Variants in DISC1 observed in about 807,000 individuals in gnomAD.
DISC1 encodes DISC1 scaffold protein, also known as disrupted in schizophrenia 1 protein.
Under a neutral mutation model 84.5 loss-of-function variants are expected in DISC1, and 57 were observed. The ratio of observed to expected loss-of-function variants is 0.67; its 90% CI spans 0.55 to 0.84. The LOEUF is 0.84. Ranked by LOEUF, DISC1 falls within the 40% of genes least tolerant of loss-of-function variation. The pLI is 0.00. For missense variants in DISC1, 1,000 were observed against 1,057.8 expected, an observed-to-expected ratio of 0.95 and a Z score of 0.76; for synonymous variants, 411 against 415.2, an observed-to-expected ratio of 0.99 and a Z score of 0.12.
At chr1:231,738,398 TTC>T (rs2072803833) in intron 3 of DISC1, among the ~76,000 whole-genome samples, 1 of 152,196 alleles carries the variant, frequency 6.6e-6, no homozygotes, top group East Asian at 1.9e-4. Context: ...TACTCAATCG[TTC>T]TCTGTCTTCC....
In DISC1 at chr1:232,035,614, C is replaced by T. The variant is rs1409877314; in HGVS notation, c.2426-1078C>T. The stretch of plus-strand genomic sequence containing the variant: ...GCTCCCCATTCCCTCCATGTCTGAT[C>T]TAGTACTGTTGTAGTGGTCTGGCTT... On this transcript the variant is annotated intron_variant, in intron 12 of 12. Coordinates refer to ENST00000439617, the MANE Select transcript of DISC1 (RefSeq NM_018662.3). Among the ~76,000 whole-genome samples the T allele has an allele frequency of 2.0e-5, 3 of 152,194 alleles. No homozygotes were observed. The East Asian group carries it at 5.8e-4, about 29-fold the overall frequency.
chr1:231,670,763 C>G (rs569165072), intron 1 of DISC1: 1 of 152,244 alleles, frequency 6.6e-6, no homozygotes, highest in East Asian at 1.9e-4. Context: ...CCAGCACTCC[C>G]CAGTAGTCCT....
At chr1:232,004,681 G>A (rs1047085803) in intron 10 of DISC1, among the ~76,000 whole-genome samples, 2 of 152,068 alleles carry the variant, frequency 1.3e-5, no homozygotes, top group African/African-American at 4.8e-5. Flanking sequence ...AACTTCAAAC[G>A]AGATCCCACC....
intron 9 of DISC1, among the ~76,000 whole-genome samples, chr1:231,918,541 G>A (rs1308095865): frequency 6.6e-6 from 1 of 152,220 alleles, no homozygotes; most frequent in Non-Finnish European, 1.5e-5. Flanking sequence ...CAACATGTCT[G>A]TGTTAGATGT....
At chr1:231,815,430 C>G (rs1007102319) in intron 8 of DISC1, among the ~76,000 whole-genome samples, 8 of 152,104 alleles carry the variant, frequency 5.3e-5, no homozygotes, top group African/African-American at 1.9e-4. Context: ...TACTCTTTTG[C>G]ATCTTTTCTA....
At chr1:231,836,792 T>G (rs1396814610) in intron 9 of DISC1, among the ~76,000 whole-genome samples, 3 of 152,180 alleles carry the variant, frequency 2.0e-5, no homozygotes, top group Non-Finnish European at 4.4e-5. Context: ...GTCCGCGTGC[T>G]CTGGATAAAG....
At chr1:231,662,156 G>A (rs2061613274) in intron 1 of DISC1, among the ~76,000 whole-genome samples, 1 of 152,178 alleles carries the variant, frequency 6.6e-6, no homozygotes, top group Non-Finnish European at 1.5e-5. Flanking sequence ...CTGACCTGTT[G>A]CTGGCCAGAA....
Position 231,948,011 on chromosome 1 carries a change from G to C in DISC1, c.1982-10817G>C, listed in dbSNP as rs1657568653. ...AGGGATGCTTTTACACTGTTGGTGG[G>C]AGTGTAAATTAATTCAACCATTGTG... On this transcript the variant is annotated intron_variant, in intron 9 of 12. Transcript: ENST00000439617. Among the ~76,000 whole-genome samples, 5 of 152,334 alleles carry C rather than the reference G, an allele frequency of 3.3e-5. No homozygotes were observed. In the South Asian group the frequency reaches 1.0e-3, roughly 32 times the overall value.
chr1:231,918,181 T>G (rs2126072380), intron 9 of DISC1, among the ~76,000 whole-genome samples: 1 of 152,340 alleles, frequency 6.6e-6, no homozygotes. Context: ...CCCTTTTCTC[T>G]CCTGTCCCTT....
chr1:231,746,133 G>A (rs947637176), intron 3 of DISC1, among the ~76,000 whole-genome samples: 1 of 152,122 alleles, frequency 6.6e-6, no homozygotes, highest in African/African-American at 2.4e-5. Flanking sequence ...CCAGCCTCAG[G>A]TATTCCTTTA....
chr1:231,996,125 T>G (rs1665917369), intron 10 of DISC1, among the ~76,000 whole-genome samples: 1 of 152,244 alleles, frequency 6.6e-6, no homozygotes, highest in Admixed American at 6.5e-5. Flanking sequence ...GTCTTTTGGC[T>G]GCATAAATGT....
chr1:231,847,443 A>T (rs2083537168), intron 9 of DISC1, among the ~76,000 whole-genome samples: 1 of 152,134 alleles, frequency 6.6e-6, no homozygotes, highest in African/African-American at 2.4e-5. Context: ...ACCTCATTTT[A>T]TAAGAAGAGA....
chr1:231,818,629 G>A, intron 9 of DISC1, 112 bp downstream of exon 9: 2 of 1,517,522 alleles, frequency 1.3e-6, no homozygotes, highest in Non-Finnish European at 1.8e-6. Context: ...GAGCGTCATG[G>A]AGCACATGGC....
intron 6 of DISC1, among the ~76,000 whole-genome samples, chr1:231,775,744 AC>A (rs1282542064): frequency 1.3e-5 from 2 of 151,990 alleles, no homozygotes; most frequent in African/African-American, 4.8e-5. Context: ...TGGGATTTCA[AC>A]CCCCCTGCTT....
chr1:231,960,073 C>A (rs1572357468), intron 10 of DISC1, among the ~76,000 whole-genome samples: 1 of 152,102 alleles, frequency 6.6e-6, no homozygotes, highest in East Asian at 1.9e-4. Flanking sequence ...ATAAAAACTG[C>A]CTAACCTTAG....
chr1:231,784,458 C>T (rs1052269999), intron 6 of DISC1, among the ~76,000 whole-genome samples: 1 of 152,126 alleles, frequency 6.6e-6, no homozygotes, highest in East Asian at 1.9e-4. Flanking sequence ...AATAACTAAA[C>T]GTTCAAGTAT....
chr1:231,982,977 A>G (rs150707490), intron 10 of DISC1, among the ~76,000 whole-genome samples: 1 of 152,342 alleles, frequency 6.6e-6, no homozygotes, highest in African/African-American at 2.4e-5. Context: ...AGTAGGAAGT[A>G]AAGACAAGTC....
At chr1:231,977,188 C>T (rs564648800) in intron 10 of DISC1, among the ~76,000 whole-genome samples, 6 of 152,306 alleles carry the variant, frequency 3.9e-5, no homozygotes, top group South Asian at 4.1e-4. Flanking sequence ...TTTCAGCTAT[C>T]CTCCCACCTG....
At chr1:231,904,895 G>A (rs1037482278) in intron 9 of DISC1, among the ~76,000 whole-genome samples, 1 of 152,036 alleles carries the variant, frequency 6.6e-6, no homozygotes, top group African/African-American at 2.4e-5. Flanking sequence ...CATAAATCGA[G>A]CATAAAAATA....
Sources: gnomAD v4.1 joint callset for allele counts (sites outside exome capture counted in the v4.1 genomes callset) on GRCh38, gnomAD v4.1.1 for gene constraint, MANE v1.5 for transcripts, NCBI Gene and HGNC (gene_info 2026-07-23, HGNC 2026-07-21) for gene names.